Variants in CACNA2D1 observed in about 807,000 individuals in gnomAD.
CACNA2D1 encodes the protein calcium voltage-gated channel auxiliary subunit alpha2delta 1.
In CACNA2D1, 53 loss-of-function variants were observed where a neutral mutation model predicts 171.5. That is an observed-to-expected ratio of 0.31 (90% CI 0.25 to 0.39). The LOEUF is 0.39. Ranked by LOEUF, CACNA2D1 falls within the 10% of genes least tolerant of loss-of-function variation. CACNA2D1 has a pLI of 1.00. For synonymous variants in CACNA2D1, 442 were observed against 443.1 expected (o/e 1.00, Z 0.03); for missense variants, 903 against 1,299.8 (o/e 0.69, Z 4.69).
intron 1 of CACNA2D1, among the ~76,000 whole-genome samples, chr7:82,437,777 T>C (rs1830217341): frequency 6.6e-6 from 1 of 152,144 alleles, no homozygotes; most frequent in Non-Finnish European, 1.5e-5. Flanking sequence ...TGATTCTATG[T>C]ACTGAATTAC....
At chr7:82,055,318 A>G (rs1033615701) in intron 10 of CACNA2D1, among the ~76,000 whole-genome samples, 2 of 152,064 alleles carry the variant, frequency 1.3e-5, no homozygotes, top group Non-Finnish European at 2.9e-5. Flanking sequence ...ATAAAAGATG[A>G]TGCATACTTT....
At chr7:82,440,050 A>G (rs1470667780) in intron 1 of CACNA2D1, among the ~76,000 whole-genome samples, 1 of 151,910 alleles carries the variant, frequency 6.6e-6, no homozygotes, top group East Asian at 1.9e-4. Flanking sequence ...ATAACAGGAA[A>G]AAAAAATATC....
chr7:82,087,788 A>C (rs936300852), intron 6 of CACNA2D1, among the ~76,000 whole-genome samples: 3 of 152,180 alleles, frequency 2.0e-5, no homozygotes, highest in Non-Finnish European at 2.9e-5. Context: ...TAAAGTGCCC[A>C]ACATTTCTCC....
intron 3 of CACNA2D1, among the ~76,000 whole-genome samples, chr7:82,314,226 A>G (rs1192946926): frequency 6.6e-6 from 1 of 152,136 alleles, no homozygotes; most frequent in Non-Finnish European, 1.5e-5. Flanking sequence ...TATACTGGCC[A>G]TCTTAGCTCA....
rs1413144878 is a variant in CACNA2D1 at position 82,332,565 on chromosome 7, A to AGAAC, written c.294+2566_294+2569dup. On this transcript the variant is annotated intron_variant, in intron 3 of 38. Transcript: ENST00000356860. ...AAGAAAGAAAGAAAGAAAGAAAGAAAGAACGAACAGAAAATTTTTGAGGGT... is the reference window on the plus strand; with the variant it reads ...AAGAAAGAAAGAAAGAAAGAAAGAAAGAACGAACGAACAGAAAATTTTTGAGGGT... Among the ~76,000 whole-genome samples the AGAAC allele has an allele frequency of 4.5e-3, 492 of 109,312 alleles. 1 individual carries two copies. The highest frequency in any genetic ancestry group is 6.2e-3 in the African/African-American group (205 of 33,300). 71.7% of individuals were successfully genotyped at this position (109,312 alleles called of 152,430 possible). A position where few individuals can be genotyped will look rare whatever the true frequency, so the allele number is the denominator to read the frequency against.
chr7:82,389,185 GTATATATGTAAAGGTA>G (rs1015666808), intron 1 of CACNA2D1, among the ~76,000 whole-genome samples: 14 of 148,334 alleles, frequency 9.4e-5, no homozygotes, highest in South Asian at 2.1e-4. Context: ...CACATTATGT[GTATATATGTAAAGGTA>G]TATGTATGTA....
intron 6 of CACNA2D1, among the ~76,000 whole-genome samples, chr7:82,113,282 A>G (rs575935235): frequency 2.0e-5 from 3 of 152,302 alleles, no homozygotes; most frequent in African/African-American, 7.2e-5. Context: ...TTGAGTCTAA[A>G]GTGATTCAAA....
At chr7:82,048,132 T>C (rs576313245) in intron 10 of CACNA2D1, among the ~76,000 whole-genome samples, 3 of 148,776 alleles carry the variant, frequency 2.0e-5, no homozygotes, top group South Asian at 4.2e-4. Context: ...TTAAATTGTA[T>C]CTGGGATGCA....
intron 5 of CACNA2D1, among the ~76,000 whole-genome samples, chr7:82,118,477 C>G (rs1789336026): frequency 6.6e-6 from 1 of 152,030 alleles, no homozygotes; most frequent in Admixed American, 6.6e-5. Context: ...TGGATGTATA[C>G]ATAGCAAGTG....
At chr7:82,278,366 G>C (rs1370888898) in intron 3 of CACNA2D1, among the ~76,000 whole-genome samples, 1 of 151,950 alleles carries the variant, frequency 6.6e-6, no homozygotes. Flanking sequence ...ATCACCTGAG[G>C]TCGGGAGTTG....
intron 1 of CACNA2D1, among the ~76,000 whole-genome samples, chr7:82,430,429 A>C (rs1829579056): frequency 6.6e-6 from 1 of 151,774 alleles, no homozygotes; most frequent in Non-Finnish European, 1.5e-5. Context: ...AAAAAAAAAA[A>C]AAACCAGATT....
chr7:82,194,417 C>T (rs986190333), intron 3 of CACNA2D1, among the ~76,000 whole-genome samples: 2 of 152,004 alleles, frequency 1.3e-5, no homozygotes, highest in African/African-American at 4.8e-5. Context: ...AAAAAAGTTT[C>T]TTCTCTTAAT....
At chr7:82,258,514 T>C (rs908887803) in intron 3 of CACNA2D1, among the ~76,000 whole-genome samples, 7 of 152,190 alleles carry the variant, frequency 4.6e-5, no homozygotes, top group African/African-American at 1.4e-4. Context: ...AGACGGTATA[T>C]AGAACTAAAG....
chr7:82,120,653 G>C (rs748237812), intron 5 of CACNA2D1, among the ~76,000 whole-genome samples: 1 of 152,056 alleles, frequency 6.6e-6, no homozygotes, highest in Non-Finnish European at 1.5e-5. Context: ...AAGGCAGGTG[G>C]ATCACGAGGT....
At chr7:82,291,563 ATATT>A (rs918661121) in intron 3 of CACNA2D1, among the ~76,000 whole-genome samples, 1 of 141,194 alleles carries the variant, frequency 7.1e-6, no homozygotes, top group Non-Finnish European at 1.5e-5. Context: ...ATAAATATAT[ATATT>A]TATATTTATA....
At chr7:82,350,879 G>A (rs989516457) in intron 1 of CACNA2D1, among the ~76,000 whole-genome samples, 1 of 152,058 alleles carries the variant, frequency 6.6e-6, no homozygotes, top group Non-Finnish European at 1.5e-5. Context: ...GTATGCAATG[G>A]ACATCTTAAA....
At chr7:82,386,026 C>T (rs762773945) in intron 1 of CACNA2D1, among the ~76,000 whole-genome samples, 4 of 152,062 alleles carry the variant, frequency 2.6e-5, no homozygotes, top group Non-Finnish European at 4.4e-5. Flanking sequence ...GAGTTGTAAA[C>T]GCATTAGAAA....
chr7:82,004,640 T>C (rs1798945409), intron 18 of CACNA2D1, among the ~76,000 whole-genome samples: 1 of 152,124 alleles, frequency 6.6e-6, no homozygotes, highest in Non-Finnish European at 1.5e-5. Flanking sequence ...GTAGTATGCA[T>C]AAGTCTGCAT....
intron 7 of CACNA2D1, among the ~76,000 whole-genome samples, chr7:82,070,692 G>A (rs1808220175): frequency 6.6e-6 from 1 of 152,108 alleles, no homozygotes; most frequent in African/African-American, 2.4e-5. Context: ...CTTGTCATAT[G>A]GTCCTACAGA....
Sources: gnomAD v4.1 joint callset for allele counts (sites outside exome capture counted in the v4.1 genomes callset) on GRCh38, gnomAD v4.1.1 for gene constraint, MANE v1.5 for transcripts, NCBI Gene and HGNC (gene_info 2026-07-23, HGNC 2026-07-21) for gene names.